USP20: variants seen among roughly 807,000 people sequenced by gnomAD.
The protein encoded by USP20 is ubiquitin carboxyl-terminal hydrolase 20.
In USP20, 80 loss-of-function variants were observed where a neutral mutation model predicts 124.2. The ratio of observed to expected loss-of-function variants is 0.64; its 90% CI spans 0.54 to 0.78. The LOEUF (loss-of-function observed/expected upper bound fraction) is 0.78, where lower values mean the gene tolerates loss of function less well. USP20 is among the 30% of genes least tolerant of loss of function. The pLI, the probability that USP20 is intolerant of heterozygous loss-of-function variation, is 0.00. For missense variants in USP20, 1,043 were observed against 1,244.4 expected (o/e 0.84, Z 2.44); for synonymous variants, 481 against 512.3 (o/e 0.94, Z 0.83).
chr9:129,843,223 A>G (rs2032334982), intron 1 of USP20, among the ~76,000 whole-genome samples: 1 of 151,460 alleles, frequency 6.6e-6, no homozygotes, highest in South Asian at 2.1e-4. Flanking sequence ...TGAGGTCAGG[A>G]GTTCGAGACC....
At chr9:129,868,587 C>G (rs7033280) in intron 11 of USP20, 138 bp downstream of exon 11, 37 of 1,437,020 alleles carry the variant, frequency 2.6e-5, no homozygotes, top group South Asian at 4.4e-5. Context: ...AGTCAGCCTC[C>G]GGGGGGGCTC....
chr9:129,852,997 G>A (rs933724291), intron 3 of USP20, among the ~76,000 whole-genome samples: 2 of 152,150 alleles, frequency 1.3e-5, no homozygotes, highest in Admixed American at 1.3e-4. Context: ...AGGAAGCTGG[G>A]CCTCTTCTCA....
intron 17 of USP20, among the ~76,000 whole-genome samples, 186 bp downstream of exon 17, chr9:129,873,930 G>C (rs1376994330): frequency 6.6e-6 from 1 of 152,154 alleles, no homozygotes; most frequent in African/African-American, 2.4e-5. Flanking sequence ...TTCCAACTGT[G>C]ACTTGGTGCC....
intron 1 of USP20, among the ~76,000 whole-genome samples, chr9:129,836,033 G>A (rs1210063263): frequency 6.6e-6 from 1 of 152,046 alleles, no homozygotes; most frequent in Non-Finnish European, 1.5e-5. Flanking sequence ...CTCCTCCTCG[G>A]TGCTTGCCGG....
intron 1 of USP20, among the ~76,000 whole-genome samples, chr9:129,837,260 T>C (rs1358378121): frequency 6.6e-6 from 1 of 152,202 alleles, no homozygotes; most frequent in Non-Finnish European, 1.5e-5. Context: ...CTCCGAGAAA[T>C]ACAGGTTCTA....
chr9:129,873,357 TA>T (rs1157412657), intron 15 of USP20, 124 bp from the exon 16 acceptor site: 1 of 1,216,820 alleles, frequency 8.2e-7, no homozygotes, highest in Non-Finnish European at 1.2e-6. Context: ...GTGCTAGGAT[TA>T]CACGCATGAG....
At position 129,878,455 on chromosome 9, in the gene USP20, G is replaced by A. The variant is rs1158348978; in HGVS notation, c.2512+15G>A. ...GAAGGACAACGGTGAGCTGAGGGGG[G>A]ACCTGGCACTTACCTGCCCTGGGGG... On this transcript the variant is annotated intron_variant, in intron 23 of 25. Coordinates refer to ENST00000372429, the MANE Select transcript of USP20 (RefSeq NM_001110303.4). 2.5e-6 allele frequency: 4 copies of A among 1,582,562 alleles called. No individual in the cohort carries two copies. The highest frequency in any genetic ancestry group is 2.6e-6 in the Non-Finnish European group (3 of 1,161,116).
chr9:129,837,051 C>T (rs2031897028), intron 1 of USP20, among the ~76,000 whole-genome samples: 1 of 152,170 alleles, frequency 6.6e-6, no homozygotes, highest in African/African-American at 2.4e-5. Flanking sequence ...CTGCTCCCAC[C>T]CTTGCTCCAT....
At chr9:129,873,447 T>C (rs745707022) in intron 15 of USP20, 35 bp from the exon 16 acceptor site, 1 of 1,613,930 alleles carries the variant, frequency 6.2e-7, no homozygotes, top group East Asian at 2.2e-5. Flanking sequence ...TTTTGCATCC[T>C]TGCTAACCTC....
rs571117265 is a variant in USP20, at chr9:129,867,654, TGTG to T, written c.691-348_691-346del. 7.2e-5 allele frequency among the ~76,000 whole-genome samples: 11 copies of T among 152,162 alleles called. No individual in the cohort carries two copies. The South Asian group carries it at 2.1e-3, about 29-fold the overall frequency. On this transcript the variant is annotated intron_variant, in intron 10 of 25. Transcript: ENST00000372429. ...AGGGAGAAAGGTGGCTCGGGCTTAA[TGTG>T]GTACTGCCTCTCTGTCCCTCCCGTG...
At chr9:129,848,158 T>C (rs1277397047) in intron 1 of USP20, among the ~76,000 whole-genome samples, 1 of 152,176 alleles carries the variant, frequency 6.6e-6, no homozygotes, top group East Asian at 1.9e-4. Context: ...TAGCTGGGCA[T>C]GGTGGCGCAT....
rs975810825 is a variant in USP20 at position 129,868,180 on chromosome 9, G to A, written c.866G>A (p.Ser289Asn). 9 of 1,614,076 alleles carry A rather than the reference G, an allele frequency of 5.6e-6. No homozygotes were observed. Among genetic ancestry groups the A allele is most frequent in the Admixed American group, 5.0e-5 (3 of 60,016 alleles). The change falls in exon 11 of 26, where the codon AGC (serine) becomes AAC (asparagine). Residue 289 changes from serine to asparagine, a missense_variant. Coordinates refer to ENST00000372429, the MANE Select transcript of USP20 (RefSeq NM_001110303.4). ...SEDEFLSCDS[S>N]SDRGEGDGQG... ...GATGAGTTCTTGTCCTGTGACTCGAGCAGTGACCGGGGTGAGGGTGACGGG... is the reference window on the plus strand; with the variant it reads ...GATGAGTTCTTGTCCTGTGACTCGAACAGTGACCGGGGTGAGGGTGACGGG...
chr9:129,856,364 A>G lies in USP20; in HGVS notation c.135+4A>G, dbSNP rs774081257. On this transcript the variant is annotated splice_donor_region_variant and intron_variant, in intron 4 of 25. Coordinates refer to ENST00000372429, the MANE Select transcript of USP20 (RefSeq NM_001110303.4). Reference sequence around the variant, plus strand: ...AAACCTATGGGCCTGTCTGCAGGTAAAAGACCCTTGTGGCCATCAGGGGTG... The same window carrying G: ...AAACCTATGGGCCTGTCTGCAGGTAGAAGACCCTTGTGGCCATCAGGGGTG... The G allele has an allele frequency of 1.9e-6, 3 of 1,614,128 alleles. No individual in the cohort carries two copies. The highest frequency in any genetic ancestry group is 3.3e-5 in the Admixed American group (2 of 60,024).
intron 7 of USP20, among the ~76,000 whole-genome samples, 164 bp from the exon 8 acceptor site, chr9:129,861,375 ACCAC>A (rs1357537719): frequency 6.6e-6 from 1 of 152,178 alleles, no homozygotes; most frequent in Non-Finnish European, 1.5e-5. Context: ...GTGAGCAGGA[ACCAC>A]GTTAGTTTAC....
Position 129,879,059 on chromosome 9 carries a change from G to A in USP20, c.2513-514G>A, listed in dbSNP as rs1403806683. Reference sequence around the variant, plus strand: ...ATTGCCATCCCGCTAGTCGGGGAAGGTGCCAGGGCCACCGTGAGGCCTCTC... The same window carrying A: ...ATTGCCATCCCGCTAGTCGGGGAAGATGCCAGGGCCACCGTGAGGCCTCTC... On this transcript the variant is annotated intron_variant, in intron 23 of 25. Coordinates refer to ENST00000372429, the MANE Select transcript of USP20 (RefSeq NM_001110303.4). The surrounding 1 kb of genome is among the most constrained non-coding windows in gnomAD (Gnocchi z 4.2). Among the ~76,000 whole-genome samples the A allele has an allele frequency of 1.3e-5, 2 of 152,224 alleles. No individual in the cohort carries two copies. Among genetic ancestry groups the A allele is most frequent in the Non-Finnish European group, 2.9e-5 (2 of 68,042 alleles).
chr9:129,878,145 G>A (rs559897113), intron 22 of USP20, among the ~76,000 whole-genome samples, 193 bp from the exon 23 acceptor site: 18 of 152,316 alleles, frequency 1.2e-4, no homozygotes, highest in African/African-American at 3.4e-4. Flanking sequence ...TGTTACCACC[G>A]TCCTCTCTGA....
intron 2 of USP20, among the ~76,000 whole-genome samples, chr9:129,850,696 CCT>C (rs2032867614): frequency 9.3e-6 from 1 of 108,082 alleles, no homozygotes; most frequent in Non-Finnish European, 2.4e-5. Flanking sequence ...GCTCTTGTTG[CCT>C]AGGCTGCGGT....
At chr9:129,861,728 A>G in intron 8 of USP20, 116 bp downstream of exon 8, 1 of 888,554 alleles carries the variant, frequency 1.1e-6, no homozygotes, top group Non-Finnish European at 1.8e-6. Context: ...TGCACAGCAA[A>G]ATGCCTGAAA....
intron 3 of USP20, among the ~76,000 whole-genome samples, chr9:129,854,269 T>C (rs1172085245): frequency 6.6e-6 from 1 of 152,176 alleles, no homozygotes; most frequent in Non-Finnish European, 1.5e-5. Flanking sequence ...AGTAGAAATG[T>C]AATCACCAGT....
Sources: gnomAD v4.1 joint callset for allele counts (sites outside exome capture counted in the v4.1 genomes callset) on GRCh38, gnomAD v4.1.1 for gene constraint, Gnocchi (gnomAD v3.1) non-coding constraint, MANE v1.5 for transcripts, NCBI Gene and HGNC (gene_info 2026-07-23, HGNC 2026-07-21) for gene names.